Variants in KIF1A observed in about 807,000 individuals in gnomAD.
The protein encoded by KIF1A is kinesin-like protein KIF1A.
In KIF1A, 46 loss-of-function variants were observed where a neutral mutation model predicts 227.3. The observed-to-expected ratio is 0.20, with a 90% CI of 0.16 to 0.26. KIF1A has a LOEUF of 0.26. Among genes scored for constraint, KIF1A ranks in the 10% least tolerant of loss-of-function variants. The probability of loss-of-function intolerance (pLI) is 1.00; values close to 1 mark genes in which losing one functional copy is unlikely to be tolerated. For missense variants in KIF1A, 1,683 were observed against 2,485.9 expected (o/e 0.68, Z 6.87); for synonymous variants, 1,022 against 1,012.8 (o/e 1.01, Z -0.17).
chr2:240,748,693 C>A, intron 28 of KIF1A: 1 of 334,922 alleles, frequency 3.0e-6, no homozygotes, highest in Non-Finnish European at 6.3e-6. Context: ...GGGCCCTTCC[C>A]TGGTGTTCAC....
chr2:240,786,710 A>AGTGAGGGGTGGGGGCCGCCATCAGGG (rs1559529661), intron 5 of KIF1A, among the ~76,000 whole-genome samples, 197 bp from the exon 6 acceptor site: 1 of 105,602 alleles, frequency 9.5e-6, no homozygotes, highest in East Asian at 2.3e-4. Flanking sequence ...CAGCATCAGG[A>AGTGAGGGGTGGGGGCCGCCATCAGGG]CCCCTGAGTG....
chr2:240,731,016 C>A (rs1363615909), intron 38 of KIF1A, among the ~76,000 whole-genome samples: 1 of 152,224 alleles, frequency 6.6e-6, no homozygotes, highest in Non-Finnish European at 1.5e-5. Context: ...CTGAGCCCTG[C>A]CCTGGGCTCT....
At chr2:240,771,524 G>A (rs1237546318) in intron 14 of KIF1A, among the ~76,000 whole-genome samples, 1 of 152,148 alleles carries the variant, frequency 6.6e-6, no homozygotes, top group Non-Finnish European at 1.5e-5. Flanking sequence ...CCCACTGCCA[G>A]GCCACCCTAC....
rs1052458688 is a variant in KIF1A at position 240,793,446 on chromosome 2, G to A, written c.107-4134C>T. 2.4e-4 allele frequency among the ~76,000 whole-genome samples: 37 copies of A among 152,194 alleles called. No individual in the cohort carries two copies. Among genetic ancestry groups the A allele is most frequent in the Admixed American group, 2.1e-3 (32 of 15,288 alleles). On this transcript the variant is annotated intron_variant, in intron 2 of 48. Transcript: ENST00000498729. The surrounding 1 kb of genome is among the most constrained non-coding windows in gnomAD (Gnocchi z 4.8). ...ACTCCAGGAACTCACTTCAGGGGCC[G>A]CACATGGCTGAGGGTCCGCGTCCCC...
intron 29 of KIF1A, among the ~76,000 whole-genome samples, chr2:240,746,835 C>CAGGAGCAGGCGA: frequency 2.6e-5 from 4 of 152,306 alleles, no homozygotes; most frequent in African/African-American, 9.6e-5. Flanking sequence ...GGGGGCAGCC[C>CAGGAGCAGGCGA]AGGAGCAGGC....
At chr2:240,768,583 C>A (rs2051507906) in intron 17 of KIF1A, among the ~76,000 whole-genome samples, 1 of 152,162 alleles carries the variant, frequency 6.6e-6, no homozygotes, top group Non-Finnish European at 1.5e-5. Flanking sequence ...CTGTGCCATG[C>A]CCCACCTGGG....
chr2:240,744,127 C>T, intron 32 of KIF1A, 67 bp from the exon 33 acceptor site: 2 of 1,088,622 alleles, frequency 1.8e-6, no homozygotes, highest in Non-Finnish European at 2.8e-6. Flanking sequence ...GAAGGAGAGT[C>T]ACATCAGTGA....
At chr2:240,768,437 C>G (rs903197594) in intron 17 of KIF1A, among the ~76,000 whole-genome samples, 1 of 152,242 alleles carries the variant, frequency 6.6e-6, no homozygotes, top group Admixed American at 6.5e-5. Flanking sequence ...CCCTGCCCAG[C>G]CCCTCCCAAG....
chr2:240,764,171 A>T (rs1004614752), intron 20 of KIF1A, among the ~76,000 whole-genome samples: 5 of 152,090 alleles, frequency 3.3e-5, no homozygotes, highest in African/African-American at 1.2e-4. Flanking sequence ...CCGTGCCTGC[A>T]GGTCTGTCCC....
intron 18 of KIF1A, 104 bp from the exon 19 acceptor site, chr2:240,767,125 C>A: frequency 8.7e-7 from 1 of 1,146,080 alleles, no homozygotes; most frequent in Non-Finnish European, 1.3e-6. Context: ...TTGGGAAACA[C>A]CCAGCGCAGA....
At chr2:240,808,812 C>G (rs1236602946) in intron 1 of KIF1A, among the ~76,000 whole-genome samples, 1 of 151,926 alleles carries the variant, frequency 6.6e-6, no homozygotes, top group Admixed American at 6.6e-5. Context: ...CTCACTGCAA[C>G]CTCCGCCTCC....
chr2:240,797,304 G>C (rs1371917440), intron 2 of KIF1A, among the ~76,000 whole-genome samples: 1 of 152,218 alleles, frequency 6.6e-6, no homozygotes, highest in Non-Finnish European at 1.5e-5. Flanking sequence ...CGGAGGCAGA[G>C]ACTAGAGCAA....
At position 240,750,472 on chromosome 2, in the gene KIF1A, G is replaced by A. The variant is rs751977290; in HGVS notation, c.2934C>T (p.Gly978=). 4.8e-5 allele frequency: 78 copies of A among 1,613,778 alleles called. No homozygotes were observed. The Admixed American group carries it at 1.1e-3, about 22-fold the overall frequency. ...CCACGCGGAGGAAGCCCTTCACCTC[G>A]CCCTTCTCGCTGACGATTGCCACAC... ...VHRVAIVSEK[G]EVKGFLRVAV... Residue 978 remains glycine, a synonymous_variant, in exon 28 of 49, where the codon GGC becomes GGT. Transcript: ENST00000498729.
In KIF1A at chr2:240,757,508, A is replaced by G. The variant is rs771126133; in HGVS notation, c.2669T>C (p.Phe890Ser). 1 of 1,549,798 alleles carries G rather than the reference A, an allele frequency of 6.5e-7. No homozygotes were observed. Among genetic ancestry groups the G allele is most frequent in the South Asian group, 1.2e-5 (1 of 83,980 alleles). The change falls in exon 27 of 49, where the codon TTC (phenylalanine) becomes TCC (serine). Residue 890 changes from phenylalanine (F) to serine (S), a missense_variant. Phe to Ser is a radical substitution (Grantham distance 155, BLOSUM62 -2). Coordinates refer to ENST00000498729, the MANE Select transcript of KIF1A (RefSeq NM_001244008.2). The surrounding 1 kb of genome is among the most constrained non-coding windows in gnomAD (Gnocchi z 6.2). Reference sequence around the variant, plus strand: ...GGTGGCGTCGGAGTCGGGGCTCGAGAAGGTGGGGGAGGGGGTGAGAGCAGC... The same window carrying G: ...GGTGGCGTCGGAGTCGGGGCTCGAGGAGGTGGGGGAGGGGGTGAGAGCAGC... ...RMAALTPSPT[F>S]SSPDSDATEP...
In KIF1A at chr2:240,723,398, C is replaced by G. The variant is rs2045637401; in HGVS notation, c.4464+15G>C. On this transcript the variant is annotated intron_variant, in intron 42 of 48. Coordinates refer to ENST00000498729, the MANE Select transcript of KIF1A (RefSeq NM_001244008.2). ...GACACCACCGTGCGGGCCTCATCCTCTGAGGCTGCCTCACCTCCTGCAGGA... is the reference window on the plus strand; with the variant it reads ...GACACCACCGTGCGGGCCTCATCCTGTGAGGCTGCCTCACCTCCTGCAGGA... The G allele has an allele frequency of 6.5e-7, 1 of 1,541,842 alleles. No individual in the cohort carries two copies. Among genetic ancestry groups the G allele is most frequent in the African/African-American group, 1.4e-5 (1 of 72,892 alleles).
chr2:240,811,813 G>A (rs970591548), intron 1 of KIF1A, among the ~76,000 whole-genome samples: 3 of 152,198 alleles, frequency 2.0e-5, no homozygotes, highest in African/African-American at 7.2e-5. Flanking sequence ...GGTGGTGGCA[G>A]GGTGGGGTCT....
At chr2:240,733,849 A>G (rs1188146666) in intron 38 of KIF1A, among the ~76,000 whole-genome samples, 1 of 152,242 alleles carries the variant, frequency 6.6e-6, no homozygotes, top group Non-Finnish European at 1.5e-5. Flanking sequence ...CGCTGGCCAC[A>G]GTCATGCAGG....
intron 33 of KIF1A, 72 bp from the exon 34 acceptor site, chr2:240,743,056 C>T: frequency 1.6e-6 from 2 of 1,248,456 alleles, no homozygotes; most frequent in Non-Finnish European, 2.2e-6. Context: ...GACAGAAGGG[C>T]TACAGGCCCC....
intron 31 of KIF1A, 65 bp from the exon 32 acceptor site, chr2:240,745,582 A>G: frequency 1.3e-6 from 2 of 1,493,412 alleles, no homozygotes; most frequent in Non-Finnish European, 1.8e-6. Context: ...TACCAGGTGG[A>G]ACCCACCTCA....
Sources: allele counts gnomAD v4.1 joint callset (sites outside exome capture counted in the v4.1 genomes callset), GRCh38; gene constraint gnomAD v4.1.1; non-coding constraint Gnocchi (gnomAD v3.1); transcripts MANE v1.5; gene names NCBI Gene and HGNC (gene_info 2026-07-23, HGNC 2026-07-21).